AP3B2: variants seen among roughly 807,000 people sequenced by gnomAD.
The protein encoded by AP3B2 is AP-3 complex subunit beta-2.
Under a neutral mutation model 126.9 loss-of-function variants are expected in AP3B2, and 50 were observed. That is an observed-to-expected ratio of 0.39 (90% CI 0.31 to 0.50). The LOEUF is 0.50. Among genes scored for constraint, AP3B2 ranks in the 20% least tolerant of loss-of-function variants. The pLI, the probability that AP3B2 is intolerant of heterozygous loss-of-function variation, is 0.79. For synonymous variants in AP3B2, 541 were observed against 565.0 expected, an observed-to-expected ratio of 0.96 and a Z score of 0.60; for missense variants, 1,177 against 1,426.4, an observed-to-expected ratio of 0.83 and a Z score of 2.82.
intron 1 of AP3B2, among the ~76,000 whole-genome samples, chr15:82,708,211 T>TC (rs1215195105): frequency 4.1e-5 from 6 of 146,670 alleles, no homozygotes; most frequent in South Asian, 2.4e-4. Flanking sequence ...GCACCTTGTG[T>TC]CCCCCCACCG....
At chr15:82,693,038 C>T (rs1163727225) in intron 1 of AP3B2, among the ~76,000 whole-genome samples, 1 of 151,882 alleles carries the variant, frequency 6.6e-6, no homozygotes, top group Admixed American at 6.6e-5. Context: ...TCATAGACAA[C>T]TCACCCTATT....
At chr15:82,662,997 C>T in intron 22 of AP3B2, 75 bp from the exon 23 acceptor site, 1 of 1,531,640 alleles carries the variant, frequency 6.5e-7, no homozygotes, top group Non-Finnish European at 8.9e-7. Flanking sequence ...CCCCTAGGGC[C>T]ATCCAGCAGC....
rs1462505245 is a variant in AP3B2, at chr15:82,680,705, C to G, written c.822G>C (p.Glu274Asp). 2 of 1,563,272 alleles carry G rather than the reference C, an allele frequency of 1.3e-6. No homozygotes were observed. Among genetic ancestry groups the G allele is most frequent in the Non-Finnish European group, 1.7e-6 (2 of 1,159,350 alleles). ...NAEKAFYGSEEDEAKGAGSEE... is the reference protein window; with the variant it reads ...NAEKAFYGSEDDEAKGAGSEE... Reference sequence around the variant, plus strand: ...CAGACCCCGCGCCCTTGGCCTCGTCCTCCTCTGAGCCGTAGAAGGCTTTTT... The same window carrying G: ...CAGACCCCGCGCCCTTGGCCTCGTCGTCCTCTGAGCCGTAGAAGGCTTTTT... The change falls in exon 8 of 27, where the codon GAG (glutamate) becomes GAC (aspartate). Residue 274 changes from glutamate (E) to aspartate (D), a missense_variant. By Grantham distance (45) the Glu-to-Asp change is conservative. Around this residue, in one of 5 missense-constraint regions of AP3B2, gnomAD observed 103 missense variants for 101.4 expected, o/e 1.02. Coordinates refer to ENST00000535359, the MANE Select transcript of AP3B2 (RefSeq NM_001278512.2). The surrounding 1 kb of genome is among the most constrained non-coding windows in gnomAD (Gnocchi z 6.1).
chr15:82,682,448 C>T (rs2048354836), intron 4 of AP3B2, among the ~76,000 whole-genome samples: 1 of 152,106 alleles, frequency 6.6e-6, no homozygotes, highest in South Asian at 2.1e-4. Flanking sequence ...GGACTGTCTT[C>T]CCACTATCAG....
rs1000465731 is a variant in AP3B2 at position 82,692,360 on chromosome 15, G to T, written c.114-2907C>A. The T allele has an allele frequency of 9.5e-6, 5 of 527,426 alleles. No homozygotes were observed. The East Asian group carries it at 1.8e-4, about 19-fold the overall frequency. 32.7% of individuals were successfully genotyped at this position (527,426 alleles called of 1,614,324 possible). On this transcript the variant is annotated intron_variant, in intron 1 of 26. Transcript: ENST00000535359. ...GCGCTCATCCGCCCAGCCCAACATC[G>T]GCACCTCCCAACGCCCCCTCCCCGC...
At chr15:82,675,802 G>T (rs778479618) in intron 14 of AP3B2, among the ~76,000 whole-genome samples, 2 of 152,192 alleles carry the variant, frequency 1.3e-5, no homozygotes, top group African/African-American at 4.8e-5. Flanking sequence ...CTGAGTGGGA[G>T]AGTGTGGAAA....
chr15:82,680,350 G>C lies in AP3B2; in HGVS notation c.1056-121C>G. Reference sequence around the variant, plus strand: ...GGACCAGTGCGGAGGGCAGGACTACGGTCAGTGTGGAGCGGGTGGGCAGAG... The same window carrying C: ...GGACCAGTGCGGAGGGCAGGACTACCGTCAGTGTGGAGCGGGTGGGCAGAG... On this transcript the variant is annotated intron_variant, in intron 8 of 26. Transcript: ENST00000535359. This position sits in a 1 kb window ranked among gnomAD's most constrained non-coding sequence, Gnocchi z 6.1. 8.6e-6 allele frequency: 13 copies of C among 1,512,208 alleles called. No individual in the cohort carries two copies. The highest frequency in any genetic ancestry group is 1.2e-5 in the Non-Finnish European group (13 of 1,119,072). 93.7% of individuals were successfully genotyped at this position (1,512,208 alleles called of 1,614,324 possible).
chr15:82,682,047 C>CTGTT (rs2048347851), intron 4 of AP3B2, among the ~76,000 whole-genome samples: 2 of 79,946 alleles, frequency 2.5e-5, no homozygotes, highest in African/African-American at 1.1e-4. Context: ...TAGGCCCTTC[C>CTGTT]TTTTTTTTTT....
chr15:82,660,607 G>C (rs1387046859), intron 25 of AP3B2, among the ~76,000 whole-genome samples: 1 of 152,064 alleles, frequency 6.6e-6, no homozygotes, highest in African/African-American at 2.4e-5. Context: ...CCCCCCATGG[G>C]AGCTCCTCCG....
chr15:82,696,143 T>A (rs967174698), intron 1 of AP3B2, among the ~76,000 whole-genome samples: 1 of 152,192 alleles, frequency 6.6e-6, no homozygotes, highest in African/African-American at 2.4e-5. Flanking sequence ...AATAACCTCA[T>A]TTTAACTTAA....
Position 82,665,400 on chromosome 15 carries a change from C to CTTCA in AP3B2, c.1971+56_1971+57insTGAA. On this transcript the variant is annotated intron_variant, in intron 16 of 26. Transcript: ENST00000535359. This position sits in a 1 kb window ranked among gnomAD's most constrained non-coding sequence, Gnocchi z 4.4. The stretch of plus-strand genomic sequence containing the variant: ...CAACACACACACACACACACACACA[C>CTTCA]ACACACACACACACACACACACACA... 7 of 384,090 alleles carry CTTCA rather than the reference C, an allele frequency of 1.8e-5. No homozygotes were observed. The highest frequency in any genetic ancestry group is 2.7e-5 in the Non-Finnish European group (7 of 256,588). The allele number at this position is 384,090 out of a possible 1,614,324, so 23.8% of individuals were successfully genotyped here. A position where few individuals can be genotyped will look rare whatever the true frequency, so the allele number is the denominator to read the frequency against.
chr15:82,668,787 G>A lies in AP3B2; in HGVS notation c.1666-1854C>T, dbSNP rs574123056. On this transcript the variant is annotated intron_variant, in intron 14 of 26. Coordinates refer to ENST00000535359, the MANE Select transcript of AP3B2 (RefSeq NM_001278512.2). ...CAGGAATTACAGGCTGTTCAAGAAG[G>A]CCTCTGAGATACACTCCAGTGTGCC... 5.3e-5 allele frequency among the ~76,000 whole-genome samples: 8 copies of A among 151,756 alleles called. No homozygotes were observed. In the East Asian group the frequency reaches 1.4e-3, roughly 26 times the overall value.
At position 82,665,376 on chromosome 15, in the gene AP3B2, A is replaced by AACACACACACACACACAC. The variant is rs60428596; in HGVS notation, c.1971+63_1972-74dup. ...GGGCTCCCTACTGTCTGCCCCCACC[A>AACACACACACACACACAC]ACACACACACACACACACACACACA... On this transcript the variant is annotated intron_variant, in intron 16 of 26. Coordinates refer to ENST00000535359, the MANE Select transcript of AP3B2 (RefSeq NM_001278512.2). This position sits in a 1 kb window ranked among gnomAD's most constrained non-coding sequence, Gnocchi z 4.4. 86 of 1,257,936 alleles carry AACACACACACACACACAC rather than the reference A, an allele frequency of 6.8e-5. No individual in the cohort carries two copies. Among genetic ancestry groups the AACACACACACACACACAC allele is most frequent in the African/African-American group, 3.1e-4 (18 of 58,130 alleles). The allele number at this position is 1,257,936 out of a possible 1,614,324, so 77.9% of individuals were successfully genotyped here.
At position 82,665,915 on chromosome 15, in the gene AP3B2, ACAGT is replaced by A. The variant is rs1269640211; in HGVS notation, c.1853-344_1853-341del. Among the ~76,000 whole-genome samples the A allele has an allele frequency of 1.3e-5, 2 of 152,158 alleles. No homozygotes were observed. Among genetic ancestry groups the A allele is most frequent in the African/African-American group, 2.4e-5 (1 of 41,432 alleles). On this transcript the variant is annotated intron_variant, in intron 15 of 26. Transcript: ENST00000535359. This position sits in a 1 kb window ranked among gnomAD's most constrained non-coding sequence, Gnocchi z 4.4. ...CTCTGGACTCAGCAGGGAGGGATGA[ACAGT>A]CAGAGCATGAGTGTGTAGAAGTCTG...
Position 82,709,628 on chromosome 15 carries a change from C to G in AP3B2, c.79G>C (p.Ala27Pro). 3.3e-6 allele frequency: 5 copies of G among 1,516,342 alleles called. No individual in the cohort carries two copies. The highest frequency in any genetic ancestry group is 4.4e-6 in the Non-Finnish European group (5 of 1,134,606). 93.9% of individuals were successfully genotyped at this position (1,516,342 alleles called of 1,614,324 possible). A position where few individuals can be genotyped will look rare whatever the true frequency, so the allele number is the denominator to read the frequency against. Residue 27 changes from alanine (A) to proline (P), a missense_variant, in exon 1 of 27, where the codon GCG becomes CCG. Around this residue, in one of 5 missense-constraint regions of AP3B2, gnomAD observed 49 missense variants for 39.3 expected, o/e 1.25. Coordinates refer to ENST00000535359, the MANE Select transcript of AP3B2 (RefSeq NM_001278512.2). ...TCGGAGGAGAAGATGCCGCCGCTCG[C>G]GGGGTCGTGGCCGTACTCGGGCTCC... Reference protein sequence around the residue: ...PGEPEYGHDPASGGIFSSDYK... With the variant: ...PGEPEYGHDPPSGGIFSSDYK...
chr15:82,677,943 TCCAGTGATTCCTTGGCCCAAAG>T, intron 11 of AP3B2, 140 bp from the exon 12 acceptor site: 1 of 1,335,912 alleles, frequency 7.5e-7, no homozygotes, highest in South Asian at 1.5e-5. Flanking sequence ...CCACCCCCAA[TCCAGTGATTCCTTGGCCCAAAG>T]CCAGCCAAAC....
At chr15:82,706,045 C>T (rs916513778) in intron 1 of AP3B2, among the ~76,000 whole-genome samples, 5 of 152,188 alleles carry the variant, frequency 3.3e-5, no homozygotes, top group East Asian at 1.9e-4. Flanking sequence ...GCTGGGACCA[C>T]GCCCTGTAGC....
chr15:82,664,519 C>T lies in AP3B2; in HGVS notation c.2138-29G>A. ...TGGAGGAACAATATGAGGCCTCCTCCCTCATATGCAGGCCTCCTTGGGTCT... is the reference window on the plus strand; with the variant it reads ...TGGAGGAACAATATGAGGCCTCCTCTCTCATATGCAGGCCTCCTTGGGTCT... On this transcript the variant is annotated intron_variant, in intron 18 of 26. Coordinates refer to ENST00000535359, the MANE Select transcript of AP3B2 (RefSeq NM_001278512.2). The surrounding 1 kb of genome is among the most constrained non-coding windows in gnomAD (Gnocchi z 4.5). 6.2e-7 allele frequency: 1 copy of T among 1,600,736 alleles called. No homozygotes were observed. The highest frequency in any genetic ancestry group is 1.1e-5 in the South Asian group (1 of 89,196).
At chr15:82,709,381 C>T (rs1019582751) in intron 1 of AP3B2, among the ~76,000 whole-genome samples, 48 of 152,068 alleles carry the variant, frequency 3.2e-4, no homozygotes, top group South Asian at 1.2e-3. Flanking sequence ...TATCTGCCCC[C>T]CTCCGCGTCC....
Sources: gnomAD v4.1 joint callset for allele counts (sites outside exome capture counted in the v4.1 genomes callset) on GRCh38, gnomAD v4.1.1 for gene constraint, gnomAD v4.1.1 regional missense constraint, Gnocchi (gnomAD v3.1) non-coding constraint, MANE v1.5 for transcripts, NCBI Gene and HGNC (gene_info 2026-07-23, HGNC 2026-07-21) for gene names.